The following ATRNL1 variants were observed in gnomAD, a reference collection of about 807,000 sequenced individuals.
The protein encoded by ATRNL1 is attractin-like protein 1.
A neutral mutation model predicts 182.7 loss-of-function variants in ATRNL1; 95 were observed. The observed-to-expected ratio is 0.52, with a 90% CI of 0.44 to 0.62. The LOEUF (loss-of-function observed/expected upper bound fraction) is 0.62. Ranked by LOEUF, ATRNL1 falls within the 20% of genes least tolerant of loss-of-function variation. The pLI is 0.00. For synonymous variants in ATRNL1, 576 were observed against 568.3 expected, an observed-to-expected ratio of 1.01 and a Z score of -0.19; for missense variants, 1,471 against 1,679.5, an observed-to-expected ratio of 0.88 and a Z score of 2.17.
intron 27 of ATRNL1, among the ~76,000 whole-genome samples, chr10:115,791,497 T>C (rs553819480): frequency 6.6e-6 from 1 of 152,286 alleles, no homozygotes; most frequent in East Asian, 1.9e-4. Context: ...ATGATAGTCA[T>C]TCCCATATGT....
At chr10:115,108,565 C>A (rs1053394695) in intron 1 of ATRNL1, among the ~76,000 whole-genome samples, 1 of 152,172 alleles carries the variant, frequency 6.6e-6, no homozygotes, top group Non-Finnish European at 1.5e-5. Context: ...ATGGGGAAGG[C>A]TGGTTGCCCC....
intron 21 of ATRNL1, among the ~76,000 whole-genome samples, chr10:115,444,826 G>T (rs556007922): frequency 6.6e-6 from 1 of 151,794 alleles, no homozygotes; most frequent in East Asian, 2.0e-4. Flanking sequence ...CCGCCTCTCG[G>T]GTTCATGCGA....
chr10:115,099,141 A>G (rs549662511), intron 1 of ATRNL1, among the ~76,000 whole-genome samples: 1 of 152,126 alleles, frequency 6.6e-6, no homozygotes, highest in Non-Finnish European at 1.5e-5. Flanking sequence ...TTCTCTCACT[A>G]TAGATTTGTT....
intron 28 of ATRNL1, among the ~76,000 whole-genome samples, chr10:115,928,196 G>GTAAACCA: frequency 6.6e-6 from 1 of 152,168 alleles, no homozygotes; most frequent in Admixed American, 6.5e-5. Flanking sequence ...GTGAGAAAGA[G>GTAAACCA]TAAAGAAAAC....
chr10:115,382,023 A>G (rs907892893), intron 19 of ATRNL1, among the ~76,000 whole-genome samples: 38 of 151,976 alleles, frequency 2.5e-4, no homozygotes, highest in African/African-American at 8.7e-4. Flanking sequence ...GTAATGGTTT[A>G]TTTTTGGACT....
intron 19 of ATRNL1, among the ~76,000 whole-genome samples, chr10:115,344,285 A>T (rs569579599): frequency 1.8e-4 from 28 of 152,086 alleles, no homozygotes; most frequent in African/African-American, 6.5e-4. Flanking sequence ...AGAGTTAAAA[A>T]CCTTAGAAGT....
At chr10:115,362,525 T>C (rs892867408) in intron 19 of ATRNL1, among the ~76,000 whole-genome samples, 17 of 152,036 alleles carry the variant, frequency 1.1e-4, no homozygotes, top group Non-Finnish European at 1.9e-4. Flanking sequence ...CATTGTTTTT[T>C]TTTTTTTATT....
chr10:115,853,506 A>T (rs1016166706), intron 28 of ATRNL1, among the ~76,000 whole-genome samples: 1 of 152,094 alleles, frequency 6.6e-6, no homozygotes, highest in African/African-American at 2.4e-5. Context: ...TTTTAAAGCA[A>T]ATTTCCAGTT....
intron 20 of ATRNL1, among the ~76,000 whole-genome samples, chr10:115,423,334 G>C (rs557131843): frequency 1.3e-5 from 2 of 152,198 alleles, no homozygotes; most frequent in South Asian, 4.1e-4. Flanking sequence ...AGGAGTTGGA[G>C]ACCAGCCTGG....
rs138582954 is a variant in ATRNL1 at position 115,398,563 on chromosome 10, G to C, written c.3269+3811G>C. Among the ~76,000 whole-genome samples the C allele has an allele frequency of 1.9e-3, 289 of 152,116 alleles. 2 individuals carry two copies. Among genetic ancestry groups the C allele is most frequent in the African/African-American group, 6.7e-3 (280 of 41,514 alleles). On this transcript the variant is annotated intron_variant, in intron 20 of 28. Transcript: ENST00000355044. ...TATTGATTTTTGCACATTGTATCCTGATACTTTGCTGAAGTTGTTTATCAG... is the reference window on the plus strand; with the variant it reads ...TATTGATTTTTGCACATTGTATCCTCATACTTTGCTGAAGTTGTTTATCAG...
In ATRNL1 at chr10:115,171,228, G is replaced by T; in HGVS notation, c.1284G>T (p.Met428Ile). 1 of 1,610,070 alleles carries T rather than the reference G, an allele frequency of 6.2e-7. No homozygotes were observed. Among genetic ancestry groups the T allele is most frequent in the Non-Finnish European group, 8.5e-7 (1 of 1,177,394 alleles). Residue 428 changes from methionine (M) to isoleucine (I), a missense_variant, in exon 8 of 29, where the codon ATG (methionine) becomes ATT (isoleucine). Around this residue, in one of 3 missense-constraint regions of ATRNL1, gnomAD observed 1,031 missense variants for 1,156.0 expected, o/e 0.89. Transcript: ENST00000355044. ...AGTTGGATAGTAGAGATGTTGTCAT[G>T]ATCATAATATTTGGATATTCTGCAA... is the stretch of plus-strand genomic sequence containing the variant. The part of the protein sequence containing the change: ...IMELDSRDVV[M>I]IIIFGYSAIY...
intron 20 of ATRNL1, among the ~76,000 whole-genome samples, chr10:115,408,713 A>G (rs933688290): frequency 4.6e-5 from 7 of 151,722 alleles, no homozygotes; most frequent in Non-Finnish European, 1.0e-4. Flanking sequence ...CCTTACATTT[A>G]GGTATTTGAT....
chr10:115,669,789 T>G (rs1555040821), intron 26 of ATRNL1, among the ~76,000 whole-genome samples: 8 of 152,146 alleles, frequency 5.3e-5, no homozygotes, highest in African/African-American at 7.2e-5. Context: ...TTGGTCAAAT[T>G]TCAGGTGTTT....
chr10:115,579,344 G>A (rs572428212), intron 26 of ATRNL1, among the ~76,000 whole-genome samples: 36 of 151,642 alleles, frequency 2.4e-4, no homozygotes, highest in Non-Finnish European at 4.6e-4. Context: ...GTTAATGTTT[G>A]CTTTATATGT....
intron 28 of ATRNL1, among the ~76,000 whole-genome samples, chr10:115,852,003 T>C (rs1951068100): frequency 6.6e-6 from 1 of 152,134 alleles, no homozygotes; most frequent in South Asian, 2.1e-4. Context: ...ACAAAGTAAA[T>C]AGAGCTCTTC....
chr10:115,853,667 G>T (rs1266013562), intron 28 of ATRNL1, among the ~76,000 whole-genome samples: 1 of 152,140 alleles, frequency 6.6e-6, no homozygotes, highest in East Asian at 1.9e-4. Flanking sequence ...TAGAACTACT[G>T]AATTATATCA....
chr10:115,286,234 G>A lies in ATRNL1; in HGVS notation c.2252G>A (p.Gly751Glu). Residue 751 changes from glycine (G) to glutamate (E), a missense_variant, in exon 15 of 29, where the codon GGA becomes GAA. Coordinates refer to ENST00000355044, the MANE Select transcript of ATRNL1 (RefSeq NM_207303.4). ...QALPAHLCGE[G>E]WSHIGDACLR... The stretch of plus-strand genomic sequence containing the variant: ...TTACTAGCTCATCTTTGTGGAGAAG[G>A]ATGGAGTCATATTGGGGATGCTTGT... 1 of 1,580,674 alleles carries A rather than the reference G, an allele frequency of 6.3e-7. No individual in the cohort carries two copies.
chr10:115,342,627 C>T (rs1855804194), intron 19 of ATRNL1, among the ~76,000 whole-genome samples: 1 of 151,990 alleles, frequency 6.6e-6, no homozygotes, highest in Admixed American at 6.6e-5. Flanking sequence ...TTTTACTCAC[C>T]ACAGTTACAG....
At chr10:115,453,188 A>G (rs114395075) in intron 21 of ATRNL1, among the ~76,000 whole-genome samples, 2,049 of 152,240 alleles carry the variant, frequency 0.013, 38 homozygotes, top group African/African-American at 0.047. Context: ...TCCTGAGTTT[A>G]GTTTCTTTTG....
Sources: gnomAD v4.1 joint callset for allele counts (sites outside exome capture counted in the v4.1 genomes callset) on GRCh38, gnomAD v4.1.1 for gene constraint, gnomAD v4.1.1 regional missense constraint, MANE v1.5 for transcripts, NCBI Gene and HGNC (gene_info 2026-07-23, HGNC 2026-07-21) for gene names.